CELF1: variants seen among roughly 807,000 people sequenced by gnomAD.
CELF1 encodes CUGBP Elav-like family member 1.
A neutral mutation model predicts 61.8 loss-of-function variants in CELF1; 10 were observed. The ratio of observed to expected loss-of-function variants is 0.16; its 90% confidence interval spans 0.10 to 0.27. The LOEUF is 0.27. Among genes scored for constraint, CELF1 ranks in the 10% least tolerant of loss-of-function variants. The probability of loss-of-function intolerance (pLI) is 1.00; values close to 1 mark genes in which losing one functional copy is unlikely to be tolerated. For missense variants in CELF1, 380 were observed against 639.1 expected (o/e 0.59, Z 4.37); for synonymous variants, 236 against 225.1 (o/e 1.05, Z -0.43).
upstream of CELF1, among the ~76,000 whole-genome samples, chr11:47,555,638 G>A (rs1273829229): frequency 6.6e-6 from 1 of 152,174 alleles, no homozygotes; most frequent in Admixed American, 6.5e-5. Context: ...AGCCTAGTGT[G>A]AGATTTAAGA....
At chr11:47,522,225 A>T (rs2153658378) in intron 1 of CELF1, among the ~76,000 whole-genome samples, 1 of 151,094 alleles carries the variant, frequency 6.6e-6, no homozygotes, top group African/African-American at 2.4e-5. Flanking sequence ...AATTTTTTTT[A>T]TCATTAACAC....
intron 1 of CELF1, among the ~76,000 whole-genome samples, chr11:47,518,496 C>G (rs1181353199): frequency 1.3e-5 from 2 of 152,168 alleles, no homozygotes; most frequent in African/African-American, 2.4e-5. Flanking sequence ...AAAAGAGCTT[C>G]AAGTTTAAAC....
intron 14 of CELF1, 91 bp from the exon 15 acceptor site, chr11:47,472,448 C>A: frequency 7.2e-7 from 1 of 1,385,156 alleles, no homozygotes; most frequent in East Asian, 2.3e-5. Context: ...TGTGCTTCAT[C>A]TCAAATCCCA....
In CELF1 at chr11:47,500,512, T is replaced by C. The variant is rs145008214; in HGVS notation, c.-82+349A>G. ...AAGAAACAAAGAACAAAAGCCACTT[T>C]AGTGATAATAATGAAAAAGAACTAG... On this transcript the variant is annotated intron_variant, in intron 2 of 14. Coordinates refer to ENST00000687097, the MANE Select transcript of CELF1 (RefSeq NM_001376376.1). Among the ~76,000 whole-genome samples the C allele has an allele frequency of 8.3e-4, 127 of 152,330 alleles. 1 individual carries two copies. The highest frequency in any genetic ancestry group is 2.8e-3 in the African/African-American group (118 of 41,578).
chr11:47,553,296 C>G (rs2097188431), upstream of CELF1, among the ~76,000 whole-genome samples: 1 of 152,086 alleles, frequency 6.6e-6, no homozygotes, highest in African/African-American at 2.4e-5. Flanking sequence ...AGCGCCCCCT[C>G]GGGCTGGGAA....
In CELF1 at chr11:47,472,312, T is replaced by G; in HGVS notation, c.1463A>C (p.Gln488Pro). The G allele has an allele frequency of 6.2e-7, 1 of 1,614,168 alleles. No homozygotes were observed. The highest frequency in any genetic ancestry group is 8.5e-7 in the Non-Finnish European group (1 of 1,180,012). ...DNPVSAQAAI[Q>P]SMNGFQIGMK... ...GCCAATCTGAAAGCCGTTCATGGAC[T>G]GGATGGCAGCTTGGGCCGAAACAGG... Residue 488 changes from glutamine to proline, a missense_variant, in exon 15 of 15, where the codon CAG becomes CCG. Transcript: ENST00000687097.
intron 1 of CELF1, 31 bp downstream of exon 1, chr11:47,552,961 C>A: frequency 2.5e-6 from 1 of 397,808 alleles, no homozygotes; most frequent in Non-Finnish European, 4.4e-6. Context: ...CTCCCTCCCG[C>A]GGCCCGTTAT....
At chr11:47,549,514 A>G (rs1244959860) in intron 1 of CELF1, among the ~76,000 whole-genome samples, 1 of 152,216 alleles carries the variant, frequency 6.6e-6, no homozygotes, top group Non-Finnish European at 1.5e-5. Flanking sequence ...ATCCGGTCAC[A>G]CAGTACAACA....
chr11:47,500,413 T>C (rs1445278698), intron 2 of CELF1, among the ~76,000 whole-genome samples: 2 of 152,204 alleles, frequency 1.3e-5, no homozygotes, highest in African/African-American at 4.8e-5. Context: ...AAAATAAAAA[T>C]GGAATAGTAA....
At chr11:47,487,941 T>C (rs539598605) in intron 4 of CELF1, among the ~76,000 whole-genome samples, 4 of 152,340 alleles carry the variant, frequency 2.6e-5, no homozygotes, top group African/African-American at 9.6e-5. Flanking sequence ...AGATACAATA[T>C]AGATTTTTTT....
intron 1 of CELF1, among the ~76,000 whole-genome samples, chr11:47,545,853 G>T (rs1405562118): frequency 4.0e-5 from 5 of 123,914 alleles, no homozygotes; most frequent in African/African-American, 1.5e-4. Flanking sequence ...ATGTATACGT[G>T]TGTGTGTGTG....
intron 1 of CELF1, among the ~76,000 whole-genome samples, chr11:47,526,210 T>G (rs922531155): frequency 2.6e-5 from 4 of 151,814 alleles, no homozygotes; most frequent in African/African-American, 9.7e-5. Flanking sequence ...ATGCCAGGTG[T>G]GGGGGTGGCT....
At chr11:47,539,608 T>G (rs1018241106) in intron 1 of CELF1, among the ~76,000 whole-genome samples, 1 of 152,232 alleles carries the variant, frequency 6.6e-6, no homozygotes, top group Non-Finnish European at 1.5e-5. Flanking sequence ...TTACAAGTGC[T>G]GTGCAGAGCT....
chr11:47,541,842 AAAC>A (rs968238156), intron 1 of CELF1, among the ~76,000 whole-genome samples: 3 of 151,244 alleles, frequency 2.0e-5, no homozygotes, highest in Non-Finnish European at 1.5e-5. Context: ...AAGAAAATGG[AAAC>A]TACTGACCCT....
chr11:47,552,892 C>G (rs976668855), intron 1 of CELF1, 100 bp downstream of exon 1: 2 of 396,192 alleles, frequency 5.0e-6, no homozygotes, highest in African/African-American at 4.1e-5. Flanking sequence ...CCCTGTGACC[C>G]GCGGCCTCCC....
At chr11:47,559,588 G>A (rs1423515882) in intron 2 of CELF1, among the ~76,000 whole-genome samples, 4 of 152,010 alleles carry the variant, frequency 2.6e-5, no homozygotes, top group Admixed American at 6.6e-5. Context: ...GGGCTCAAGC[G>A]ATCATCCCAC....
intron 3 of CELF1, among the ~76,000 whole-genome samples, chr11:47,497,202 T>C (rs747710908): frequency 2.0e-5 from 3 of 152,166 alleles, no homozygotes; most frequent in Admixed American, 6.6e-5. Context: ...TAGAATAAAG[T>C]CTTAGACCTC....
intron 1 of CELF1, among the ~76,000 whole-genome samples, chr11:47,546,690 C>A (rs940765326): frequency 1.3e-5 from 2 of 152,142 alleles, no homozygotes; most frequent in African/African-American, 4.8e-5. Context: ...GAAAGCCATT[C>A]ATATATTATA....
At position 47,470,031 on chromosome 11, in the gene CELF1, C is replaced by CT. The variant is rs2077347920; in HGVS notation, c.*2198dup. On this transcript the variant is annotated 3_prime_UTR_variant, in exon 15 of 15. Coordinates refer to ENST00000687097, the MANE Select transcript of CELF1 (RefSeq NM_001376376.1). ...CTCTGCCAATTCACAGCATTAACAC[C>CT]TTCCCCTTGGGCAGGTTAGCTGGGC... 2.0e-5 allele frequency: 3 copies of CT among 152,282 alleles called. No individual in the cohort carries two copies. Among genetic ancestry groups the CT allele is most frequent in the Non-Finnish European group, 2.9e-5 (2 of 68,112 alleles). 9.4% of individuals were successfully genotyped at this position (152,282 alleles called of 1,614,324 possible).
Sources: gnomAD v4.1 joint callset for allele counts (sites outside exome capture counted in the v4.1 genomes callset) on GRCh38, gnomAD v4.1.1 for gene constraint, MANE v1.5 for transcripts, NCBI Gene and HGNC (gene_info 2026-07-23, HGNC 2026-07-21) for gene names.